Variants in WDR38 observed in about 807,000 individuals in gnomAD.
WDR38 encodes WD repeat domain 38.
Under a neutral mutation model 36.6 loss-of-function variants are expected in WDR38, and 37 were observed. The ratio of observed to expected loss-of-function variants is 1.01; its 90% confidence interval spans 0.78 to 1.33. The LOEUF (loss-of-function observed/expected upper bound fraction) is 1.33, where lower values mean the gene tolerates loss of function less well. Among genes scored for constraint, WDR38 ranks in the 40% most tolerant of loss-of-function variants. The pLI is 0.00. For synonymous variants in WDR38, 164 were observed against 168.1 expected, an observed-to-expected ratio of 0.98 and a Z score of 0.19; for missense variants, 411 against 414.6, an observed-to-expected ratio of 0.99 and a Z score of 0.07.
At chr9:124,856,991 G>C (rs960264157) in intron 7 of WDR38, 110 bp downstream of exon 7, 2 of 1,507,392 alleles carry the variant, frequency 1.3e-6, no homozygotes, top group African/African-American at 2.7e-5. Context: ...AGCTAGGAGG[G>C]GGCAAGGGCA....
At position 124,856,326 on chromosome 9, in the gene WDR38, C is replaced by G; in HGVS notation, c.486+6C>G. On this transcript the variant is annotated splice_donor_region_variant and intron_variant, in intron 5 of 8. Coordinates refer to ENST00000373574, the MANE Select transcript of WDR38 (RefSeq NM_001045476.3). ...CACCCACGGTGAACTGCCTGGTGAG[C>G]CTACCCTCTGCCCTGGGCCCCACCT... 3.1e-6 allele frequency: 5 copies of G among 1,614,140 alleles called. No individual in the cohort carries two copies. Among genetic ancestry groups the G allele is most frequent in the Non-Finnish European group, 4.2e-6 (5 of 1,180,020 alleles).
intron 3 of WDR38, 31 bp downstream of exon 3, chr9:124,855,781 C>A: frequency 6.2e-7 from 1 of 1,613,254 alleles, no homozygotes; most frequent in Non-Finnish European, 8.5e-7. Context: ...GCAGCCAGGC[C>A]AGCGTTCCCT....
chr9:124,855,488 A>AG (rs1351978883), intron 2 of WDR38, 146 bp from the exon 3 acceptor site: 1 of 795,068 alleles, frequency 1.3e-6, no homozygotes, highest in Admixed American at 2.3e-5. Flanking sequence ...GCCCAGGCCA[A>AG]GGCATGGAAA....
rs1206449355 is a variant in WDR38 at position 124,854,291 on chromosome 9, T to C, written c.156T>C (p.Ser52=). 1 of 1,613,680 alleles carries C rather than the reference T, an allele frequency of 6.2e-7. No homozygotes were observed. Among genetic ancestry groups the C allele is most frequent in the African/African-American group, 1.3e-5 (1 of 74,916 alleles). ...GCGTGTATGGCTGGGAGACCCGGAGTGGGCAGCTGCTGTGGAGGCTGGGTG... is the reference window on the plus strand; with the variant it reads ...GCGTGTATGGCTGGGAGACCCGGAGCGGGCAGCTGCTGTGGAGGCTGGGTG... The part of the protein sequence containing the change: ...DGCVYGWETR[S]GQLLWRLGGH... Residue 52 remains serine (S), a synonymous_variant, in exon 2 of 9, where the codon AGT becomes AGC. Coordinates refer to ENST00000373574, the MANE Select transcript of WDR38 (RefSeq NM_001045476.3).
chr9:124,853,856 C>T (rs1259058124), intron 1 of WDR38, among the ~76,000 whole-genome samples: 1 of 152,208 alleles, frequency 6.6e-6, no homozygotes, highest in Admixed American at 6.5e-5. Flanking sequence ...GAGAGGGGCA[C>T]AAAGCTCCCT....
intron 1 of WDR38, 25 bp downstream of exon 1, chr9:124,853,625 G>A (rs778613630): frequency 7.9e-7 from 1 of 1,269,208 alleles, no homozygotes; most frequent in Non-Finnish European, 1.0e-6. Flanking sequence ...GCTCTGCCCA[G>A]ACTCCCGGCT....
chr9:124,855,109 C>T (rs532122120), intron 2 of WDR38, among the ~76,000 whole-genome samples: 1 of 152,270 alleles, frequency 6.6e-6, no homozygotes, highest in Admixed American at 6.5e-5. Flanking sequence ...GCTTATTTCA[C>T]TTAGCATGAT....
chr9:124,856,639 T>C, intron 6 of WDR38, 39 bp downstream of exon 6: 2 of 1,612,738 alleles, frequency 1.2e-6, no homozygotes, highest in Non-Finnish European at 1.7e-6. Context: ...GGTCCCTTGC[T>C]GGCAGCCAGG....
intron 2 of WDR38, among the ~76,000 whole-genome samples, chr9:124,854,531 C>A (rs201916485): frequency 7.3e-6 from 1 of 136,094 alleles, no homozygotes; most frequent in East Asian, 2.1e-4. Flanking sequence ...CACACACACA[C>A]ATACATACAA....
chr9:124,856,920 C>A, intron 7 of WDR38, 39 bp downstream of exon 7: 1 of 1,610,424 alleles, frequency 6.2e-7, no homozygotes, highest in Non-Finnish European at 8.5e-7. Context: ...ACCTACCCAT[C>A]CTCACCCCAC....
chr9:124,857,008 G>A, intron 7 of WDR38, 127 bp downstream of exon 7: 1 of 1,383,456 alleles, frequency 7.2e-7, no homozygotes, highest in Non-Finnish European at 9.9e-7. Context: ...GGCAGGACCT[G>A]GGTGCCAGCC....
chr9:124,856,914 A>G (rs1829090311), intron 7 of WDR38, 33 bp downstream of exon 7: 1 of 1,610,330 alleles, frequency 6.2e-7, no homozygotes, highest in African/African-American at 1.3e-5. Context: ...GCTCCTACCT[A>G]CCCATCCTCA....
chr9:124,857,246 G>A, intron 7 of WDR38, 118 bp from the exon 8 acceptor site: 1 of 1,357,736 alleles, frequency 7.4e-7, no homozygotes, highest in Middle Eastern at 2.5e-4. Context: ...TGAATCACCT[G>A]AGGTCAGGAG....
chr9:124,855,899 G>T lies in WDR38; in HGVS notation c.346G>T (p.Asp116Tyr). 2 of 1,614,150 alleles carry T rather than the reference G, an allele frequency of 1.2e-6. No individual in the cohort carries two copies. Among genetic ancestry groups the T allele is most frequent in the South Asian group, 1.1e-5 (1 of 91,082 alleles). The change falls in exon 4 of 9, where the codon GAC (aspartate) becomes TAC (tyrosine). Residue 116 changes from aspartate to tyrosine, a missense_variant. Coordinates refer to ENST00000373574, the MANE Select transcript of WDR38 (RefSeq NM_001045476.3). ...TGTGGAGACGGTCAGCTTCAGCCCT[G>T]ACTCGAGACAGCTGGCATCAGGTGG... ...RSVETVSFSP[D>Y]SRQLASGGWD...
intron 2 of WDR38, among the ~76,000 whole-genome samples, 172 bp downstream of exon 2, chr9:124,854,497 C>T (rs1159152977): frequency 3.8e-5 from 5 of 132,696 alleles, no homozygotes; most frequent in Non-Finnish European, 6.4e-5. Flanking sequence ...CAGGCCTGGA[C>T]TCAGCCTTCT....
At chr9:124,855,602 GCT>G (rs755843610) in intron 2 of WDR38, 30 bp from the exon 3 acceptor site, 42 of 1,592,756 alleles carry the variant, frequency 2.6e-5, no homozygotes, top group Non-Finnish European at 3.3e-5. Flanking sequence ...GGCGGGCAGT[GCT>G]CTGTCCCCTG....
At chr9:124,854,606 C>G (rs116931092) in intron 2 of WDR38, among the ~76,000 whole-genome samples, 1,663 of 152,270 alleles carry the variant, frequency 0.011, 55 homozygotes, top group Admixed American at 0.067. Context: ...GACAGAGTCG[C>G]TCTCTGTCAC....
chr9:124,853,630 C>T (rs1828965509), intron 1 of WDR38, 30 bp downstream of exon 1: 11 of 1,266,570 alleles, frequency 8.7e-6, no homozygotes, highest in Non-Finnish European at 8.0e-6. Context: ...GCCCAGACTC[C>T]CGGCTTTGGA....
chr9:124,855,651 C>A lies in WDR38; in HGVS notation c.208C>A (p.Arg70Ser). ...CCGCCCAGGCCCCGTGAAGTTCTGC[C>A]GCTTCTCCCCTGATGGCCACCTCTT... ...GGHTGPVKFC[R>S]FSPDGHLFAS... The change falls in exon 3 of 9, where the codon CGC becomes AGC. Residue 70 changes from arginine to serine, a missense_variant. Coordinates refer to ENST00000373574, the MANE Select transcript of WDR38 (RefSeq NM_001045476.3). The A allele has an allele frequency of 1.2e-6, 2 of 1,611,304 alleles. No individual in the cohort carries two copies. The highest frequency in any genetic ancestry group is 4.5e-5 in the East Asian group (2 of 44,890).
Sources: gnomAD v4.1 joint callset for allele counts (sites outside exome capture counted in the v4.1 genomes callset) on GRCh38, gnomAD v4.1.1 for gene constraint, MANE v1.5 for transcripts, NCBI Gene and HGNC (gene_info 2026-07-23, HGNC 2026-07-21) for gene names.